Variants in ZNF682 observed in about 807,000 individuals in gnomAD.
The protein encoded by ZNF682 is zinc finger protein 682.
ZNF682 carries 29 observed loss-of-function variants against 36.5 expected under a neutral mutation model. The ratio of observed to expected loss-of-function variants is 0.80; its 90% confidence interval spans 0.59 to 1.08. The LOEUF is 1.08. ZNF682 is among the 50% of genes least tolerant of loss of function. The pLI is 0.00. For synonymous variants in ZNF682, 180 were observed against 197.0 expected, an observed-to-expected ratio of 0.91 and a Z score of 0.72; for missense variants, 561 against 579.7, an observed-to-expected ratio of 0.97 and a Z score of 0.33.
chr19:20,025,547 C>G (rs1004644852), intron 1 of ZNF682, among the ~76,000 whole-genome samples: 6 of 151,944 alleles, frequency 3.9e-5, no homozygotes, highest in African/African-American at 7.2e-5. Context: ...CATGGTGGCA[C>G]GTGCCTGTAA....
chr19:20,036,036 G>A (rs571999672), intron 1 of ZNF682, among the ~76,000 whole-genome samples: 14 of 151,912 alleles, frequency 9.2e-5, no homozygotes, highest in East Asian at 1.9e-4. Context: ...GCACCCAGCC[G>A]AAAAAATACT....
At chr19:20,025,672 A>G (rs1316184285) in intron 1 of ZNF682, among the ~76,000 whole-genome samples, 1 of 150,462 alleles carries the variant, frequency 6.6e-6, no homozygotes, top group Admixed American at 6.6e-5. Context: ...GCGAGACTCC[A>G]TCTCAAAAAA....
downstream of ZNF682, among the ~76,000 whole-genome samples, chr19:19,995,247 T>A (rs1599596516): frequency 2.6e-5 from 4 of 152,130 alleles, no homozygotes; most frequent in Admixed American, 2.6e-4. Flanking sequence ...CAAATTGCAA[T>A]GGGAAGAGGA....
At chr19:20,002,611 T>C (rs2088175818), downstream of ZNF682, among the ~76,000 whole-genome samples, 1 of 152,152 alleles carries the variant, frequency 6.6e-6, no homozygotes, top group African/African-American at 2.4e-5. Context: ...TAACAGGATG[T>C]CCACTGAATA....
At chr19:19,996,704 GC>G (rs1197303675), downstream of ZNF682, among the ~76,000 whole-genome samples, 1 of 152,110 alleles carries the variant, frequency 6.6e-6, no homozygotes, top group Non-Finnish European at 1.5e-5. Context: ...GGGATAAAAG[GC>G]TACACACTGG....
In ZNF682 at chr19:20,018,078, CTTTTTTTTTTTTTTTTTTT is replaced by C. The variant is rs71172554; in HGVS notation, c.226+4907_226+4925del. Among the ~76,000 whole-genome samples the C allele has an allele frequency of 1.2e-4, 7 of 58,680 alleles. 1 individual carries two copies. Among genetic ancestry groups the C allele is most frequent in the South Asian group, 1.9e-3 (2 of 1,054 alleles). The allele number at this position is 58,680 out of a possible 152,430, so 38.5% of individuals were successfully genotyped here. ...GAAATATAGTTAAGATTCTCAAATT[CTTTTTTTTTTTTTTTTTTT>C]TTTTTTTTTTTTTTGAGACGGAGTC... On this transcript the variant is annotated intron_variant, in intron 3 of 3. Coordinates refer to ENST00000397165, the MANE Select transcript of ZNF682 (RefSeq NM_033196.3).
chr19:20,016,751 G>T (rs566199895), intron 3 of ZNF682, among the ~76,000 whole-genome samples: 7 of 152,136 alleles, frequency 4.6e-5, no homozygotes, highest in African/African-American at 1.7e-4. Context: ...AACAAAAGCT[G>T]TCAGTCTTTG....
chr19:20,002,031 C>T (rs73010677), downstream of ZNF682, among the ~76,000 whole-genome samples: 1,914 of 152,216 alleles, frequency 0.013, 24 homozygotes, highest in Non-Finnish European at 0.019. Flanking sequence ...ATGTTGGGAA[C>T]TCTAATGTCA....
At chr19:20,012,637 G>A (rs1414297203) in intron 3 of ZNF682, among the ~76,000 whole-genome samples, 6 of 151,698 alleles carry the variant, frequency 4.0e-5, no homozygotes, top group African/African-American at 1.2e-4. Context: ...GCATGGTGGC[G>A]GGCGCCTGTA....
chr19:20,021,053 G>C (rs915271638), intron 3 of ZNF682, among the ~76,000 whole-genome samples: 3 of 52,242 alleles, frequency 5.7e-5, no homozygotes, highest in Admixed American at 2.0e-4. Flanking sequence ...GCTTCCCTGG[G>C]CCACAGTGGA....
chr19:20,032,220 T>C (rs1239864691), intron 1 of ZNF682, among the ~76,000 whole-genome samples: 1 of 152,182 alleles, frequency 6.6e-6, no homozygotes, highest in East Asian at 1.9e-4. Flanking sequence ...GTTGCAGAGG[T>C]ATGGGAAAGT....
intron 1 of ZNF682, among the ~76,000 whole-genome samples, chr19:20,028,298 C>A (rs1457112100): frequency 6.6e-6 from 1 of 152,080 alleles, no homozygotes. Context: ...ATCTTTGCCT[C>A]CCAGGCTCAA....
Position 20,005,806 on chromosome 19 carries a change from T to C in ZNF682, c.*199A>G, listed in dbSNP as rs971089285. 4.4e-5 allele frequency: 25 copies of C among 571,748 alleles called. No individual in the cohort carries two copies. Among genetic ancestry groups the C allele is most frequent in the Non-Finnish European group, 6.3e-5 (21 of 335,688 alleles). 35.4% of individuals were successfully genotyped at this position (571,748 alleles called of 1,614,324 possible). A position where few individuals can be genotyped will look rare whatever the true frequency, so the allele number is the denominator to read the frequency against. ...TTATTAAATGCTTTGCCACATTCTT[T>C]AAAATCAGAATTTTTCTCAGCATGA... is the stretch of plus-strand genomic sequence containing the variant. On this transcript the variant is annotated 3_prime_UTR_variant, in exon 4 of 4. Coordinates refer to ENST00000397165, the MANE Select transcript of ZNF682 (RefSeq NM_033196.3).
At position 20,004,710 on chromosome 19, in the gene ZNF682, C is replaced by T. The variant is rs1362142565; in HGVS notation, c.*1295G>A. On this transcript the variant is annotated 3_prime_UTR_variant, in exon 4 of 4. Coordinates refer to ENST00000397165, the MANE Select transcript of ZNF682 (RefSeq NM_033196.3). ...TCCTAATATAGAACTTCTCAAACCCCGAGCAGCAGAAATTGACCACATGCT... is the reference window on the plus strand; with the variant it reads ...TCCTAATATAGAACTTCTCAAACCCTGAGCAGCAGAAATTGACCACATGCT... 6.6e-6 allele frequency: 1 copy of T among 152,110 alleles called. No individual in the cohort carries two copies. Among genetic ancestry groups the T allele is most frequent in the Non-Finnish European group, 1.5e-5 (1 of 68,018 alleles). 9.4% of individuals were successfully genotyped at this position (152,110 alleles called of 1,614,324 possible). A position where few individuals can be genotyped will look rare whatever the true frequency, so the allele number is the denominator to read the frequency against.
downstream of ZNF682, among the ~76,000 whole-genome samples, chr19:20,001,089 C>A (rs796900463): frequency 6.6e-6 from 1 of 152,186 alleles, no homozygotes; most frequent in Non-Finnish European, 1.5e-5. Context: ...GGCCTTCATT[C>A]GTCCCAGTGG....
chr19:19,995,271 T>C (rs2088123241), downstream of ZNF682, among the ~76,000 whole-genome samples: 1 of 152,124 alleles, frequency 6.6e-6, no homozygotes, highest in Admixed American at 6.5e-5. Flanking sequence ...TGGAAAAGGT[T>C]TACACTCACC....
chr19:20,024,186 C>T, intron 2 of ZNF682, 64 bp downstream of exon 2: 1 of 1,589,222 alleles, frequency 6.3e-7, no homozygotes, highest in Non-Finnish European at 8.6e-7. Context: ...ACCAAACATT[C>T]TACAGAGGAA....
downstream of ZNF682, among the ~76,000 whole-genome samples, chr19:20,003,797 C>T (rs1028130490): frequency 2.6e-5 from 4 of 151,832 alleles, no homozygotes; most frequent in Non-Finnish European, 5.9e-5. Flanking sequence ...GAACTAGGAA[C>T]CACAAGATTT....
chr19:20,032,262 T>G (rs2088485915), intron 1 of ZNF682, among the ~76,000 whole-genome samples: 1 of 152,204 alleles, frequency 6.6e-6, no homozygotes, highest in Non-Finnish European at 1.5e-5. Flanking sequence ...CTCAGGCATT[T>G]GTACAGGAGG....
Sources: allele counts gnomAD v4.1 joint callset (sites outside exome capture counted in the v4.1 genomes callset), GRCh38; gene constraint gnomAD v4.1.1; transcripts MANE v1.5; gene names NCBI Gene and HGNC (gene_info 2026-07-23, HGNC 2026-07-21).